The following PHC2 variants were observed in gnomAD, a reference collection of about 807,000 sequenced individuals.
PHC2 encodes the protein polyhomeotic homolog 2, also known as polyhomeotic-like protein 2.
Under a neutral mutation model 87.4 loss-of-function variants are expected in PHC2, and 29 were observed. That is an observed-to-expected ratio of 0.33 (90% CI 0.25 to 0.45). The LOEUF (loss-of-function observed/expected upper bound fraction) is 0.45, where lower values mean the gene tolerates loss of function less well. Ranked by LOEUF, PHC2 falls within the 20% of genes least tolerant of loss-of-function variation. The pLI is 1.00. For synonymous variants in PHC2, 438 were observed against 461.7 expected (o/e 0.95, Z 0.66); for missense variants, 857 against 1,136.7 (o/e 0.75, Z 3.54).
chr1:33,423,066 AAGTTCAC>A (rs1650491958), intron 1 of PHC2, among the ~76,000 whole-genome samples: 1 of 152,098 alleles, frequency 6.6e-6, no homozygotes, highest in Non-Finnish European at 1.5e-5. Flanking sequence ...GGCGGCTGGG[AAGTTCAC>A]AGCTCATGAG....
chr1:33,345,968 T>A (rs1423124211), intron 9 of PHC2: 1 of 984,914 alleles, frequency 1.0e-6, no homozygotes, highest in African/African-American at 1.7e-5. Context: ...ATAGGCAACT[T>A]TTTTTAAAAA....
chr1:33,381,266 T>C (rs1648477101), intron 1 of PHC2, among the ~76,000 whole-genome samples: 1 of 152,138 alleles, frequency 6.6e-6, no homozygotes, highest in South Asian at 2.1e-4. Flanking sequence ...TGTCATATTT[T>C]CCCATAATAC....
At chr1:33,327,270 C>T (rs1368330866) in intron 14 of PHC2, among the ~76,000 whole-genome samples, 4 of 152,130 alleles carry the variant, frequency 2.6e-5, no homozygotes, top group African/African-American at 7.2e-5. Flanking sequence ...GAGCAGATAG[C>T]CTCTCTCTCT....
At chr1:33,422,313 C>T (rs1650464538) in intron 1 of PHC2, among the ~76,000 whole-genome samples, 1 of 152,146 alleles carries the variant, frequency 6.6e-6, no homozygotes, top group Non-Finnish European at 1.5e-5. Flanking sequence ...GGGTTCTCCT[C>T]ATCTTTGAAT....
chr1:33,376,197 G>A (rs1050130144), intron 1 of PHC2, among the ~76,000 whole-genome samples: 1 of 152,212 alleles, frequency 6.6e-6, no homozygotes, highest in African/African-American at 2.4e-5. Flanking sequence ...ACCACACCCA[G>A]CTAATTTTTG....
At chr1:33,420,942 C>T (rs1303783646) in intron 1 of PHC2, among the ~76,000 whole-genome samples, 2 of 152,198 alleles carry the variant, frequency 1.3e-5, no homozygotes, top group Non-Finnish European at 2.9e-5. Context: ...GTTTCTTCAT[C>T]TGTAAGATGG....
At chr1:33,402,007 C>T (rs1251842359) in intron 1 of PHC2, among the ~76,000 whole-genome samples, 1 of 152,018 alleles carries the variant, frequency 6.6e-6, no homozygotes, top group East Asian at 1.9e-4. Flanking sequence ...AATTTATGTT[C>T]GTCAAAGGCA....
intron 13 of PHC2, 137 bp downstream of exon 13, chr1:33,329,934 G>C (rs1383791499): frequency 2.1e-6 from 2 of 933,840 alleles, no homozygotes; most frequent in Admixed American, 4.5e-5. Flanking sequence ...AGGCTCGACT[G>C]GACAGGTCTA....
intron 1 of PHC2, among the ~76,000 whole-genome samples, chr1:33,415,453 C>G (rs922366972): frequency 1.3e-5 from 2 of 152,202 alleles, no homozygotes; most frequent in Non-Finnish European, 2.9e-5. Context: ...CCAACGGCTG[C>G]TCTGGACCCA....
intron 9 of PHC2, chr1:33,335,025 T>C: frequency 4.9e-6 from 1 of 202,238 alleles, no homozygotes; most frequent in Non-Finnish European, 8.8e-6. Context: ...AGATGTCAGC[T>C]TCTTATCTAA....
At position 33,368,850 on chromosome 1, in the gene PHC2, T is replaced by C. The variant is rs1647644533; in HGVS notation, c.577-228A>G. On this transcript the variant is annotated intron_variant, in intron 5 of 14. Transcript: ENST00000683057. The surrounding 1 kb of genome is among the most constrained non-coding windows in gnomAD (Gnocchi z 6.6). ...GCGCCTGCCTTTCTCTAGAGGCTCG[T>C]TGCATCCTGACCCAGGCTGGGTGCA... Among the ~76,000 whole-genome samples, 1 of 152,082 alleles carries C rather than the reference T, an allele frequency of 6.6e-6. No homozygotes were observed. Among genetic ancestry groups the C allele is most frequent in the African/African-American group, 2.4e-5 (1 of 41,402 alleles).
intron 9 of PHC2, chr1:33,353,520 C>T (rs1647012474): frequency 6.6e-6 from 1 of 152,272 alleles, no homozygotes; most frequent in South Asian, 2.1e-4. Context: ...TATTCTCTTC[C>T]TTGATCCTGC....
At position 33,375,359 on chromosome 1, in the gene PHC2, C is replaced by G. The variant is rs772539320; in HGVS notation, c.174+7G>C. 2.6e-6 allele frequency: 4 copies of G among 1,548,324 alleles called. No homozygotes were observed. Among genetic ancestry groups the G allele is most frequent in the Non-Finnish European group, 3.5e-6 (4 of 1,144,508 alleles). On this transcript the variant is annotated splice_region_variant and intron_variant, in intron 2 of 14. Transcript: ENST00000683057. ...GAGTATAATTCCCAGATCAATTAGACTCTTACCTGCACGGTCTGCCGGTCT... is the reference window on the plus strand; with the variant it reads ...GAGTATAATTCCCAGATCAATTAGAGTCTTACCTGCACGGTCTGCCGGTCT...
intron 3 of PHC2, 89 bp from the exon 4 acceptor site, chr1:33,371,183 T>C: frequency 8.7e-7 from 1 of 1,147,582 alleles, no homozygotes; most frequent in Non-Finnish European, 1.3e-6. Flanking sequence ...TGCTGCAGGC[T>C]GGTGTTAAGG....
At chr1:33,392,335 C>T (rs1649102221) in intron 1 of PHC2, among the ~76,000 whole-genome samples, 1 of 152,142 alleles carries the variant, frequency 6.6e-6, no homozygotes, top group Non-Finnish European at 1.5e-5. Flanking sequence ...TTATGGGCTC[C>T]CTTTCCTATC....
intron 1 of PHC2, among the ~76,000 whole-genome samples, chr1:33,416,505 G>A (rs1220647676): frequency 1.3e-5 from 2 of 150,272 alleles, no homozygotes; most frequent in African/African-American, 4.9e-5. Context: ...GAACCCAGGA[G>A]GCAGAGGTTG....
intron 9 of PHC2, among the ~76,000 whole-genome samples, chr1:33,335,675 G>T (rs549696769): frequency 8.5e-5 from 13 of 152,196 alleles, no homozygotes; most frequent in Non-Finnish European, 1.5e-4. Context: ...ACCGAGGCGG[G>T]TGGATCACCA....
Position 33,349,952 on chromosome 1 carries a change from A to C in PHC2, c.1558+4449T>G. On this transcript the variant is annotated intron_variant, in intron 9 of 14. Transcript: ENST00000683057. This position sits in a 1 kb window ranked among gnomAD's most constrained non-coding sequence, Gnocchi z 4.2. ...GCCTCCGCCGGGGGCGGGGCGAGGGAGCGGGGCGGGGAGGGGCGGGGCCGC... is the reference window on the plus strand; with the variant it reads ...GCCTCCGCCGGGGGCGGGGCGAGGGCGCGGGGCGGGGAGGGGCGGGGCCGC... The C allele has an allele frequency of 4.8e-6, 1 of 208,512 alleles. No homozygotes were observed. The highest frequency in any genetic ancestry group is 7.1e-6 in the Non-Finnish European group (1 of 141,320). 12.9% of individuals were successfully genotyped at this position (208,512 alleles called of 1,614,324 possible). A position where few individuals can be genotyped will look rare whatever the true frequency, so the allele number is the denominator to read the frequency against.
intron 1 of PHC2, among the ~76,000 whole-genome samples, chr1:33,391,450 G>C (rs928048012): frequency 1.3e-5 from 2 of 151,936 alleles, no homozygotes; most frequent in Admixed American, 6.6e-5. Context: ...TTTTTCTTTC[G>C]GGCAGGAGCT....
Sources: allele counts gnomAD v4.1 joint callset (sites outside exome capture counted in the v4.1 genomes callset), GRCh38; gene constraint gnomAD v4.1.1; non-coding constraint Gnocchi (gnomAD v3.1); transcripts MANE v1.5; gene names NCBI Gene and HGNC (gene_info 2026-07-23, HGNC 2026-07-21).